Variants in LRRTM4 observed in about 807,000 individuals in gnomAD.
LRRTM4 encodes leucine rich repeat transmembrane neuronal 4.
Under a neutral mutation model 47.6 loss-of-function variants are expected in LRRTM4, and 25 were observed. The observed-to-expected ratio is 0.53, with a 90% CI of 0.38 to 0.73. LRRTM4 has a LOEUF of 0.73. Ranked by LOEUF, LRRTM4 falls within the 30% of genes least tolerant of loss-of-function variation. The probability of loss-of-function intolerance (pLI) is 0.00; values close to 1 mark genes in which losing one functional copy is unlikely to be tolerated. For missense variants in LRRTM4, 638 were observed against 713.4 expected (o/e 0.89, Z 1.20); for synonymous variants, 311 against 269.5 (o/e 1.15, Z -1.51).
chr2:76,972,670 T>A (rs1050725034), intron 3 of LRRTM4, among the ~76,000 whole-genome samples: 1 of 151,976 alleles, frequency 6.6e-6, no homozygotes, highest in African/African-American at 2.4e-5. Flanking sequence ...TGTGCCCACC[T>A]CGGCCTCCCA....
intron 3 of LRRTM4, among the ~76,000 whole-genome samples, chr2:76,952,527 C>T (rs1467250739): frequency 2.6e-5 from 4 of 151,680 alleles, no homozygotes; most frequent in East Asian, 2.0e-4. Flanking sequence ...ATTAATAAAA[C>T]GTCAAAAAAG....
At position 77,010,665 on chromosome 2, in the gene LRRTM4, A is replaced by T. The variant is rs575799443; in HGVS notation, c.1552-261749T>A. On this transcript the variant is annotated intron_variant, in intron 3 of 3. Coordinates refer to ENST00000409884, the MANE Select transcript of LRRTM4 (RefSeq NM_001134745.3). ...CTCTTTGACATTCTGATTTCATATG[A>T]AACAGAACTCTTTTGTATCATGTTC... 6.6e-5 allele frequency among the ~76,000 whole-genome samples: 10 copies of T among 152,224 alleles called. 1 individual carries two copies. In the South Asian group the frequency reaches 2.1e-3, roughly 32 times the overall value.
At chr2:77,418,330 C>T (rs12989352) in intron 3 of LRRTM4, among the ~76,000 whole-genome samples, 98 of 152,168 alleles carry the variant, frequency 6.4e-4, no homozygotes, top group Non-Finnish European at 1.1e-3. Flanking sequence ...TTGTCCATTT[C>T]AATTTTTGAA....
At chr2:77,124,064 T>C (rs532356003) in intron 3 of LRRTM4, among the ~76,000 whole-genome samples, 2 of 151,548 alleles carry the variant, frequency 1.3e-5, no homozygotes, top group African/African-American at 4.9e-5. Flanking sequence ...AGTAGTGATC[T>C]ACTCATTTTT....
rs543260972 is a variant in LRRTM4 at position 76,800,948 on chromosome 2, G to C, written c.1552-52032C>G. Among the ~76,000 whole-genome samples the C allele has an allele frequency of 6.7e-3, 1,012 of 150,462 alleles. 16 individuals are homozygous for C. Among genetic ancestry groups the C allele is most frequent in the African/African-American group, 0.023 (935 of 41,076 alleles). On this transcript the variant is annotated intron_variant, in intron 3 of 3. Coordinates refer to ENST00000409884, the MANE Select transcript of LRRTM4 (RefSeq NM_001134745.3). ...CACTGGCCATCAGAGAAATGCAAAT[G>C]AAAACCACAATGAGATACCATCTCA...
At chr2:76,920,192 T>A (rs905140043) in intron 3 of LRRTM4, among the ~76,000 whole-genome samples, 3 of 152,114 alleles carry the variant, frequency 2.0e-5, no homozygotes, top group Admixed American at 1.3e-4. Flanking sequence ...TTAATGGAAA[T>A]AGTTAATTTG....
chr2:76,773,648 C>A (rs1673815986), intron 3 of LRRTM4, among the ~76,000 whole-genome samples: 1 of 151,320 alleles, frequency 6.6e-6, no homozygotes. Context: ...ATTAAAATTC[C>A]CCTTAAATTA....
chr2:77,229,237 T>C (rs1674898508), intron 3 of LRRTM4, among the ~76,000 whole-genome samples: 1 of 152,234 alleles, frequency 6.6e-6, no homozygotes, highest in Non-Finnish European at 1.5e-5. Context: ...TCTTTATACT[T>C]TTCTATATTC....
In LRRTM4 at chr2:76,755,998, A is replaced by G. The variant is rs574769987; in HGVS notation, c.1552-7082T>C. ...CAGCATTAATGTTAAAAAAGCTATCATAAGACTGAAAGAGCAGATGCTTTG... is the reference window on the plus strand; with the variant it reads ...CAGCATTAATGTTAAAAAAGCTATCGTAAGACTGAAAGAGCAGATGCTTTG... On this transcript the variant is annotated intron_variant, in intron 3 of 3. Coordinates refer to ENST00000409884, the MANE Select transcript of LRRTM4 (RefSeq NM_001134745.3). 1.1e-4 allele frequency among the ~76,000 whole-genome samples: 17 copies of G among 152,284 alleles called. 1 individual carries two copies. In the South Asian group the frequency reaches 2.3e-3, roughly 20 times the overall value.
intron 3 of LRRTM4, among the ~76,000 whole-genome samples, chr2:77,280,890 C>G (rs1234463417): frequency 6.6e-6 from 1 of 151,944 alleles, no homozygotes; most frequent in Non-Finnish European, 1.5e-5. Context: ...TGTTAATTGT[C>G]TTGTCAACAA....
chr2:76,827,861 G>A (rs1671231559), intron 3 of LRRTM4, among the ~76,000 whole-genome samples: 1 of 151,734 alleles, frequency 6.6e-6, no homozygotes, highest in Admixed American at 6.6e-5. Flanking sequence ...TAATATTATT[G>A]CTAGGAATCA....
chr2:76,982,795 C>A (rs1040088260), intron 3 of LRRTM4, among the ~76,000 whole-genome samples: 1 of 152,010 alleles, frequency 6.6e-6, no homozygotes, highest in Middle Eastern at 3.2e-3. Flanking sequence ...ATAGAACACA[C>A]TTGCCAATTA....
At chr2:77,026,843 T>C (rs556198630) in intron 3 of LRRTM4, among the ~76,000 whole-genome samples, 3 of 152,230 alleles carry the variant, frequency 2.0e-5, no homozygotes, top group South Asian at 4.1e-4. Flanking sequence ...GACTGCAATA[T>C]TGATAAACAT....
intron 3 of LRRTM4, among the ~76,000 whole-genome samples, chr2:77,306,897 A>ATATTTTTTTTTT (rs1677288566): frequency 7.1e-5 from 8 of 112,412 alleles, no homozygotes; most frequent in African/African-American, 3.0e-4. Flanking sequence ...GCTTTTCCAT[A>ATATTTTTTTTTT]TTTTTTTTTT....
intron 3 of LRRTM4, among the ~76,000 whole-genome samples, chr2:77,335,623 CTTATT>C (rs1234863946): frequency 6.6e-6 from 1 of 152,102 alleles, no homozygotes; most frequent in Non-Finnish European, 1.5e-5. Flanking sequence ...AAATAATTTG[CTTATT>C]TTATTTGTTA....
chr2:76,914,839 T>C (rs1171314443), intron 3 of LRRTM4, among the ~76,000 whole-genome samples: 2 of 152,208 alleles, frequency 1.3e-5, no homozygotes, highest in Non-Finnish European at 2.9e-5. Context: ...ATAGTCTGGC[T>C]ACAGTTAAAT....
chr2:76,976,446 T>C (rs1421640049), intron 3 of LRRTM4, among the ~76,000 whole-genome samples: 2 of 151,740 alleles, frequency 1.3e-5, no homozygotes, highest in Admixed American at 6.6e-5. Context: ...TGAATAATAA[T>C]ATTAGCCAAT....
chr2:77,092,002 G>T (rs1173663296), intron 3 of LRRTM4, among the ~76,000 whole-genome samples: 1 of 151,694 alleles, frequency 6.6e-6, no homozygotes, highest in Non-Finnish European at 1.5e-5. Flanking sequence ...TACTGTTTTA[G>T]CCCAGCCCTC....
At chr2:77,014,347 A>C (rs1677979429) in intron 3 of LRRTM4, among the ~76,000 whole-genome samples, 1 of 152,072 alleles carries the variant, frequency 6.6e-6, no homozygotes, top group African/African-American at 2.4e-5. Flanking sequence ...ATTTATTATA[A>C]AAAGAATAGC....
Sources: allele counts gnomAD v4.1 joint callset (sites outside exome capture counted in the v4.1 genomes callset), GRCh38; gene constraint gnomAD v4.1.1; transcripts MANE v1.5; gene names NCBI Gene and HGNC (gene_info 2026-07-23, HGNC 2026-07-21).